CAV1: variants seen among roughly 807,000 people sequenced by gnomAD.
CAV1 encodes the protein caveolin-1.
Under a neutral mutation model 16.5 loss-of-function variants are expected in CAV1, and 10 were observed. The ratio of observed to expected loss-of-function variants is 0.61; its 90% CI spans 0.37 to 1.03. The LOEUF (loss-of-function observed/expected upper bound fraction) is 1.03. Among genes scored for constraint, CAV1 ranks in the 50% least tolerant of loss-of-function variants. CAV1 has a pLI of 0.01. For missense variants in CAV1, 212 were observed against 232.8 expected (o/e 0.91, Z 0.58); for synonymous variants, 76 against 85.1 (o/e 0.89, Z 0.59).
chr7:116,534,385 A>AT (rs1181456517), intron 2 of CAV1, among the ~76,000 whole-genome samples: 32 of 9,118 alleles, frequency 3.5e-3, no homozygotes, highest in African/African-American at 9.5e-3. Context: ...ATATATATAT[A>AT]TATATATATA....
chr7:116,548,073 G>A (rs1794089901), intron 2 of CAV1, among the ~76,000 whole-genome samples: 1 of 152,142 alleles, frequency 6.6e-6, no homozygotes, highest in Admixed American at 6.5e-5. Context: ...TCCTAGCAGA[G>A]AATGAAGCCT....
intron 2 of CAV1, 114 bp downstream of exon 2, chr7:116,526,803 C>A: frequency 1.7e-6 from 2 of 1,176,652 alleles, no homozygotes; most frequent in Non-Finnish European, 2.5e-6. Flanking sequence ...CCCCTACACG[C>A]GCACACACAC....
At chr7:116,535,230 A>C (rs1351703985) in intron 2 of CAV1, among the ~76,000 whole-genome samples, 3 of 152,196 alleles carry the variant, frequency 2.0e-5, no homozygotes, top group Non-Finnish European at 2.9e-5. Flanking sequence ...TTATACCTGG[A>C]ATATACTGGA....
rs73206101 is a variant in CAV1 at position 116,527,159 on chromosome 7, A to G, written c.195+470A>G. 6.3e-3 allele frequency: 1,345 copies of G among 213,110 alleles called. 11 individuals are homozygous for G. The highest frequency in any genetic ancestry group is 9.1e-3 in the Middle Eastern group (5 of 550). 13.2% of individuals were successfully genotyped at this position (213,110 alleles called of 1,614,324 possible). On this transcript the variant is annotated intron_variant, in intron 2 of 2. Coordinates refer to ENST00000341049, the MANE Select transcript of CAV1 (RefSeq NM_001753.5). ...AATACAAGATGGGCATGTTCCCCCA[A>G]CTAAAACGATGGGAAGTGATTTTCT...
At chr7:116,525,232 T>A in intron 1 of CAV1, 140 bp downstream of exon 1, 1 of 1,611,196 alleles carries the variant, frequency 6.2e-7, no homozygotes, top group Non-Finnish European at 8.5e-7. Context: ...TTGGCACCGC[T>A]GAGGAATGGG....
At chr7:116,537,878 AGGGCAGGTGT>A (rs1793855766) in intron 2 of CAV1, among the ~76,000 whole-genome samples, 1 of 152,244 alleles carries the variant, frequency 6.6e-6, no homozygotes, top group Admixed American at 6.5e-5. Context: ...TGGGGTACAC[AGGGCAGGTGT>A]GGCCAGAGTA....
At chr7:116,536,993 G>A (rs368081048) in intron 2 of CAV1, among the ~76,000 whole-genome samples, 2 of 117,610 alleles carry the variant, frequency 1.7e-5, no homozygotes, top group Non-Finnish European at 3.2e-5. Flanking sequence ...CTGGGCAACA[G>A]AGCGAGACTC....
chr7:116,554,852 CA>C (rs1794228982), intron 2 of CAV1, among the ~76,000 whole-genome samples: 1 of 152,052 alleles, frequency 6.6e-6, no homozygotes, highest in South Asian at 2.1e-4. Context: ...GAAAACTAAG[CA>C]AATAAGACAA....
chr7:116,541,197 G>A (rs970704556), intron 2 of CAV1, among the ~76,000 whole-genome samples: 2 of 152,178 alleles, frequency 1.3e-5, no homozygotes, highest in African/African-American at 4.8e-5. Flanking sequence ...TAAGAGGGAG[G>A]TAGAGATTCT....
In CAV1 at chr7:116,559,066, C is replaced by G. The variant is rs201324454; in HGVS notation, c.316C>G (p.Leu106Val). The change falls in exon 3 of 3, where the codon CTC becomes GTC. Residue 106 changes from leucine (L) to valine (V), a missense_variant. Transcript: ENST00000341049. ...KYWFYRLLSA[L>V]FGIPMALIWG... is the part of the protein sequence containing the mutation. ...CTGGTTTTACCGCTTGCTGTCTGCC[C>G]TCTTTGGCATCCCGATGGCACTCAT... is the stretch of plus-strand genomic sequence containing the variant. The G allele has an allele frequency of 1.2e-6, 2 of 1,613,748 alleles. No individual in the cohort carries two copies. The highest frequency in any genetic ancestry group is 1.3e-5 in the African/African-American group (1 of 74,894).
chr7:116,528,415 A>T (rs1016216669), intron 2 of CAV1, among the ~76,000 whole-genome samples: 1 of 152,230 alleles, frequency 6.6e-6, no homozygotes, highest in African/African-American at 2.4e-5. Flanking sequence ...CAAATTAAAG[A>T]AATTAAAAGA....
At chr7:116,540,100 T>C (rs1194940787) in intron 2 of CAV1, among the ~76,000 whole-genome samples, 5 of 152,234 alleles carry the variant, frequency 3.3e-5, no homozygotes, top group African/African-American at 2.4e-5. Context: ...TGCTTCTAGA[T>C]GCAAATACAC....
intron 2 of CAV1, among the ~76,000 whole-genome samples, chr7:116,546,334 G>A (rs920293581): frequency 1.3e-5 from 2 of 152,126 alleles, no homozygotes; most frequent in South Asian, 4.1e-4. Flanking sequence ...GGTTCCCTCA[G>A]ACGGCTCACA....
At chr7:116,543,098 T>C (rs764884946) in intron 2 of CAV1, 3 of 152,188 alleles carry the variant, frequency 2.0e-5, no homozygotes, top group Non-Finnish European at 4.4e-5. Context: ...TCCAGGGTTA[T>C]ATTGGGCCTT....
intron 1 of CAV1, 164 bp downstream of exon 1, chr7:116,525,256 G>A: frequency 1.3e-6 from 2 of 1,598,712 alleles, no homozygotes; most frequent in Admixed American, 1.8e-5. Flanking sequence ...GGGCGGGGAG[G>A]TGAAGAGAAG....
intron 2 of CAV1, among the ~76,000 whole-genome samples, chr7:116,532,095 T>C (rs528479406): frequency 5.9e-5 from 9 of 152,226 alleles, no homozygotes; most frequent in Non-Finnish European, 7.3e-5. Flanking sequence ...GATTTCATAT[T>C]ATTTATTAAA....
At chr7:116,525,860 T>A (rs967374000) in intron 1 of CAV1, 1 of 990,794 alleles carries the variant, frequency 1.0e-6, no homozygotes, top group African/African-American at 1.8e-5. Context: ...CCGCCAAAAA[T>A]GGGGACTTTC....
chr7:116,526,731 C>T lies in CAV1; in HGVS notation c.195+42C>T, dbSNP rs1584766768. On this transcript the variant is annotated intron_variant, in intron 2 of 2. Transcript: ENST00000341049. The stretch of plus-strand genomic sequence containing the variant: ...AACAGGGAAGGGCTGGGACAGCTCT[C>T]CTCTGGCAGTTAGCCCGTGCATCCT... 3 of 1,612,126 alleles carry T rather than the reference C, an allele frequency of 1.9e-6. No individual in the cohort carries two copies. In the East Asian group the frequency reaches 6.7e-5, roughly 36 times the overall value.
At chr7:116,555,511 A>G (rs1562838090) in intron 2 of CAV1, among the ~76,000 whole-genome samples, 140 of 7,230 alleles carry the variant, frequency 0.019, no homozygotes, top group South Asian at 0.067. Context: ...AAAGAAAGAA[A>G]GAAAGAAAGA....
Sources: allele counts gnomAD v4.1 joint callset (sites outside exome capture counted in the v4.1 genomes callset), GRCh38; gene constraint gnomAD v4.1.1; transcripts MANE v1.5; gene names NCBI Gene and HGNC (gene_info 2026-07-23, HGNC 2026-07-21).